The following SRGAP1 variants were observed in gnomAD, a reference collection of about 807,000 sequenced individuals.
The protein encoded by SRGAP1 is SLIT-ROBO Rho GTPase-activating protein 1.
In SRGAP1, 43 loss-of-function variants were observed where a neutral mutation model predicts 121.9. The ratio of observed to expected loss-of-function variants is 0.35; its 90% CI spans 0.28 to 0.46. The LOEUF (loss-of-function observed/expected upper bound fraction) is 0.46. Among genes scored for constraint, SRGAP1 ranks in the 20% least tolerant of loss-of-function variants. SRGAP1 has a pLI of 1.00. For synonymous variants in SRGAP1, 447 were observed against 485.4 expected, an observed-to-expected ratio of 0.92 and a Z score of 1.04; for missense variants, 1,102 against 1,350.9, an observed-to-expected ratio of 0.82 and a Z score of 2.89.
intron 1 of SRGAP1, among the ~76,000 whole-genome samples, chr12:63,895,219 G>A (rs1900716291): frequency 6.6e-6 from 1 of 152,138 alleles, no homozygotes; most frequent in African/African-American, 2.4e-5. Flanking sequence ...GTGTTCAACT[G>A]AAGACTAGAG....
intron 6 of SRGAP1, among the ~76,000 whole-genome samples, chr12:64,060,802 T>C (rs762563489): frequency 6.6e-6 from 1 of 152,150 alleles, no homozygotes; most frequent in Non-Finnish European, 1.5e-5. Context: ...TTGCGACTCC[T>C]CCACTATTTT....
chr12:63,947,066 A>AGG (rs2032073752), intron 1 of SRGAP1, among the ~76,000 whole-genome samples: 1 of 152,070 alleles, frequency 6.6e-6, no homozygotes, highest in East Asian at 1.9e-4. Context: ...AATTGTTTTC[A>AGG]TTTTTAACCA....
At chr12:64,087,600 G>T (rs1310359025) in intron 11 of SRGAP1, among the ~76,000 whole-genome samples, 1 of 151,978 alleles carries the variant, frequency 6.6e-6, no homozygotes, top group Non-Finnish European at 1.5e-5. Flanking sequence ...GCCGGGCGTG[G>T]TGGTGTGCGC....
Position 63,844,722 on chromosome 12 carries a change from G to C in SRGAP1, c.-95G>C. On this transcript the variant is annotated 5_prime_UTR_variant, in exon 1 of 22. Transcript: ENST00000355086. This position sits in a 1 kb window ranked among gnomAD's most constrained non-coding sequence, Gnocchi z 4.3. Reference sequence around the variant, plus strand: ...GGTCGGCGCTGCCTCTGGATTGCCTGCGTGTGGGAGTACAACTCTGCCTCT... The same window carrying C: ...GGTCGGCGCTGCCTCTGGATTGCCTCCGTGTGGGAGTACAACTCTGCCTCT... 8.1e-7 allele frequency: 1 copy of C among 1,229,802 alleles called. No individual in the cohort carries two copies. 76.2% of individuals were successfully genotyped at this position (1,229,802 alleles called of 1,614,324 possible). A position where few individuals can be genotyped will look rare whatever the true frequency, so the allele number is the denominator to read the frequency against.
intron 1 of SRGAP1, among the ~76,000 whole-genome samples, chr12:63,933,298 G>A (rs2031545898): frequency 6.6e-6 from 1 of 152,110 alleles, no homozygotes; most frequent in Non-Finnish European, 1.5e-5. Context: ...ATTCTTGGGA[G>A]AGCATATTTT....
At chr12:64,041,462 G>A (rs1251158111) in intron 4 of SRGAP1, among the ~76,000 whole-genome samples, 1 of 150,698 alleles carries the variant, frequency 6.6e-6, no homozygotes, top group Non-Finnish European at 1.5e-5. Flanking sequence ...TCAGCTCACT[G>A]CCACTTCCAC....
At chr12:63,920,904 A>G (rs551811848) in intron 1 of SRGAP1, among the ~76,000 whole-genome samples, 101 of 152,350 alleles carry the variant, frequency 6.6e-4, no homozygotes, top group Non-Finnish European at 1.0e-3. Flanking sequence ...AGTTTTTTTA[A>G]TATGGAGAAT....
intron 1 of SRGAP1, among the ~76,000 whole-genome samples, chr12:63,921,428 C>G (rs61933127): frequency 0.03 from 4,627 of 152,264 alleles, 111 homozygotes; most frequent in Middle Eastern, 0.068. Context: ...ATCTCTAGTG[C>G]CATCTCTAGC....
At chr12:63,942,513 T>C (rs1264771178) in intron 1 of SRGAP1, among the ~76,000 whole-genome samples, 1 of 152,220 alleles carries the variant, frequency 6.6e-6, no homozygotes. Context: ...TGATATGCTG[T>C]TGTTCTCTTT....
At chr12:63,889,788 A>G (rs1821913903) in intron 1 of SRGAP1, among the ~76,000 whole-genome samples, 1 of 151,964 alleles carries the variant, frequency 6.6e-6, no homozygotes, top group African/African-American at 2.4e-5. Flanking sequence ...AGCGCCTGTA[A>G]TCCCAGCTAC....
intron 8 of SRGAP1, among the ~76,000 whole-genome samples, chr12:64,073,263 T>A (rs558891509): frequency 3.3e-5 from 5 of 152,308 alleles, no homozygotes; most frequent in East Asian, 3.9e-4. Context: ...CCATTGCTTC[T>A]GAGAAGGAAT....
rs1297224919 is a variant in SRGAP1 at position 64,127,740 on chromosome 12, G to T, written c.2540+16G>T. 1.9e-6 allele frequency: 3 copies of T among 1,613,430 alleles called. No individual in the cohort carries two copies. Among genetic ancestry groups the T allele is most frequent in the Non-Finnish European group, 1.7e-6 (2 of 1,179,652 alleles). ...ATTTAGCCAGGTAAGTAGAGCCTGG[G>T]AATCAGGCCCCTAAGCCTCCGCTCC... On this transcript the variant is annotated intron_variant, in intron 20 of 21. Coordinates refer to ENST00000355086, the MANE Select transcript of SRGAP1 (RefSeq NM_020762.4).
chr12:63,865,297 C>T (rs1275812399), intron 1 of SRGAP1, among the ~76,000 whole-genome samples: 1 of 151,956 alleles, frequency 6.6e-6, no homozygotes, highest in Non-Finnish European at 1.5e-5. Context: ...GGCGAAACCC[C>T]GTCTCTACTA....
In SRGAP1 at chr12:64,111,753, C is replaced by T. The variant is rs2036433379; in HGVS notation, c.1920-9C>T. 49 of 1,542,998 alleles carry T rather than the reference C, an allele frequency of 3.2e-5. No individual in the cohort carries two copies. Among genetic ancestry groups the T allele is most frequent in the South Asian group, 1.3e-4 (10 of 79,058 alleles). On this transcript the variant is annotated splice_polypyrimidine_tract_variant and intron_variant, in intron 16 of 21. Transcript: ENST00000355086. ...TCTTTTATAACTCCTTTCTTGTTTC[C>T]TTTTGTAGTCTATCACAGTACAGCG...
At chr12:63,980,339 C>A (rs1422930277) in intron 1 of SRGAP1, among the ~76,000 whole-genome samples, 1 of 152,180 alleles carries the variant, frequency 6.6e-6, no homozygotes, top group African/African-American at 2.4e-5. Context: ...CATCCATGAG[C>A]CAGTCTGCAT....
chr12:64,114,905 G>A lies in SRGAP1; in HGVS notation c.2145-909G>A, dbSNP rs563923503. On this transcript the variant is annotated intron_variant, in intron 17 of 21. Coordinates refer to ENST00000355086, the MANE Select transcript of SRGAP1 (RefSeq NM_020762.4). ...AGTCAACAGTGTAGTAGTTATACTT[G>A]TCCCCCAACATCAGAAATGTAAATG... is the stretch of plus-strand genomic sequence containing the variant. Among the ~76,000 whole-genome samples the A allele has an allele frequency of 2.0e-5, 3 of 152,278 alleles. No individual in the cohort carries two copies. The South Asian group carries it at 6.2e-4, about 32-fold the overall frequency.
intron 6 of SRGAP1, among the ~76,000 whole-genome samples, chr12:64,058,256 A>G (rs868021848): frequency 3.3e-5 from 5 of 152,190 alleles, no homozygotes; most frequent in South Asian, 2.1e-4. Flanking sequence ...TAGACTTTCA[A>G]TGGCTCAACT....
At position 63,846,106 on chromosome 12, in the gene SRGAP1, GGACCCCTATAATGGAGTTATCTATAGGCT is replaced by G. The variant is rs572192827; in HGVS notation, c.67+1237_67+1265del. Among the ~76,000 whole-genome samples the G allele has an allele frequency of 2.2e-3, 339 of 152,194 alleles. 1 individual carries two copies. The highest frequency in any genetic ancestry group is 7.8e-3 in the African/African-American group (323 of 41,530). Reference sequence around the variant, plus strand: ...AAGATAACTTAGGTTATCTTTAGGAGGACCCCTATAATGGAGTTATCTATAGGCTGACCCCTATAATGTGTTCAGGAGAC... The same window carrying G: ...AAGATAACTTAGGTTATCTTTAGGAGGACCCCTATAATGTGTTCAGGAGAC... On this transcript the variant is annotated intron_variant, in intron 1 of 21. Transcript: ENST00000355086.
At chr12:63,893,381 C>T (rs147973332) in intron 1 of SRGAP1, among the ~76,000 whole-genome samples, 309 of 152,244 alleles carry the variant, frequency 2.0e-3, no homozygotes, top group African/African-American at 7.1e-3. Flanking sequence ...TGGGGCCATC[C>T]CTGGCTAAGA....
Sources: gnomAD v4.1 joint callset for allele counts (sites outside exome capture counted in the v4.1 genomes callset) on GRCh38, gnomAD v4.1.1 for gene constraint, Gnocchi (gnomAD v3.1) non-coding constraint, MANE v1.5 for transcripts, NCBI Gene and HGNC (gene_info 2026-07-23, HGNC 2026-07-21) for gene names.